Variants in TYW1 observed in about 807,000 individuals in gnomAD.
TYW1 encodes S-adenosyl-L-methionine-dependent tRNA 4-demethylwyosine synthase TYW1.
Under a neutral mutation model 96.2 loss-of-function variants are expected in TYW1, and 46 were observed. The ratio of observed to expected loss-of-function variants is 0.48; its 90% CI spans 0.38 to 0.61. TYW1 has a LOEUF of 0.61. TYW1 is among the 20% of genes least tolerant of loss of function. The pLI is 0.00. For missense variants in TYW1, 684 were observed against 909.6 expected (o/e 0.75, Z 3.19); for synonymous variants, 274 against 323.0 (o/e 0.85, Z 1.63).
At chr7:67,154,900 G>A (rs570186467) in intron 13 of TYW1, among the ~76,000 whole-genome samples, 9 of 151,920 alleles carry the variant, frequency 5.9e-5, no homozygotes, top group Admixed American at 5.9e-4. Flanking sequence ...AAAAAAATCC[G>A]AGTTGTTTCA....
chr7:67,204,693 A>C (rs1441978744), intron 15 of TYW1, among the ~76,000 whole-genome samples: 3 of 151,754 alleles, frequency 2.0e-5, no homozygotes, highest in Admixed American at 2.0e-4. Context: ...CTCCGAGTTC[A>C]AGTGATTCTC....
At chr7:67,144,945 G>A (rs1476049197) in intron 13 of TYW1, among the ~76,000 whole-genome samples, 1 of 151,388 alleles carries the variant, frequency 6.6e-6, no homozygotes, top group Non-Finnish European at 1.5e-5. Flanking sequence ...ACAATCAGTC[G>A]ATGGTGAGAG....
intron 6 of TYW1, among the ~76,000 whole-genome samples, chr7:67,022,458 C>T (rs6944726): frequency 0.092 from 13,931 of 152,070 alleles, 827 homozygotes; most frequent in East Asian, 0.3. Flanking sequence ...GTCTAATATT[C>T]TGAAATTTAT....
chr7:67,012,501 T>C (rs1052509267), intron 4 of TYW1, among the ~76,000 whole-genome samples: 3 of 152,220 alleles, frequency 2.0e-5, no homozygotes, highest in Non-Finnish European at 2.9e-5. Context: ...AGCTTGAATG[T>C]GCTCTAAATT....
intron 10 of TYW1, among the ~76,000 whole-genome samples, chr7:67,067,950 G>C (rs1795917147): frequency 6.6e-6 from 1 of 151,994 alleles, no homozygotes; most frequent in South Asian, 2.1e-4. Context: ...AAAGAAAATG[G>C]CTAAATTGCA....
At chr7:67,044,297 C>G (rs1795120205) in intron 7 of TYW1, among the ~76,000 whole-genome samples, 2 of 151,996 alleles carry the variant, frequency 1.3e-5, no homozygotes, top group African/African-American at 4.8e-5. Flanking sequence ...TGGGTTTCAT[C>G]ATGTTGGCCA....
intron 13 of TYW1, among the ~76,000 whole-genome samples, chr7:67,173,054 A>T (rs1016135942): frequency 1.3e-5 from 2 of 152,256 alleles, no homozygotes; most frequent in African/African-American, 4.8e-5. Flanking sequence ...AAACAAAAAA[A>T]TTAAAAACAA....
intron 13 of TYW1, among the ~76,000 whole-genome samples, chr7:67,154,952 A>G (rs558018979): frequency 2.3e-3 from 345 of 152,262 alleles, no homozygotes; most frequent in Non-Finnish European, 4.4e-3. Flanking sequence ...CTTCCACTCT[A>G]ATCTCTTGTT....
At chr7:67,021,916 A>G (rs1268349034) in intron 6 of TYW1, among the ~76,000 whole-genome samples, 4 of 152,160 alleles carry the variant, frequency 2.6e-5, no homozygotes, top group South Asian at 2.1e-4. Flanking sequence ...GATCCAGCCT[A>G]TTGCCTGTTT....
chr7:67,029,884 A>G (rs1423826807), intron 7 of TYW1, among the ~76,000 whole-genome samples: 1 of 152,032 alleles, frequency 6.6e-6, no homozygotes, highest in African/African-American at 2.4e-5. Context: ...ATTTCTTTCT[A>G]GAGACAAGGT....
At chr7:67,215,896 T>A (rs934797964) in intron 15 of TYW1, among the ~76,000 whole-genome samples, 45 of 152,202 alleles carry the variant, frequency 3.0e-4, no homozygotes, top group Admixed American at 2.6e-4. Context: ...CTGATTAAAT[T>A]GTGCCCACCA....
At chr7:67,220,430 C>T (rs1482519093) in intron 15 of TYW1, among the ~76,000 whole-genome samples, 1 of 152,072 alleles carries the variant, frequency 6.6e-6, no homozygotes, top group African/African-American at 2.4e-5. Context: ...GTCTCGATCT[C>T]CTGACCTCGT....
chr7:67,026,066 C>T (rs1411495995), intron 7 of TYW1, among the ~76,000 whole-genome samples: 1 of 151,944 alleles, frequency 6.6e-6, no homozygotes, highest in South Asian at 2.1e-4. Context: ...AATTACCTAT[C>T]GATTAATTTA....
chr7:67,102,045 T>C (rs1326211921), intron 12 of TYW1, among the ~76,000 whole-genome samples: 7 of 152,142 alleles, frequency 4.6e-5, no homozygotes, highest in African/African-American at 1.7e-4. Flanking sequence ...TGGGGGACAT[T>C]GGGATAGAAT....
At chr7:67,151,136 C>T (rs1296002791) in intron 13 of TYW1, among the ~76,000 whole-genome samples, 15 of 151,902 alleles carry the variant, frequency 9.9e-5, no homozygotes, top group Admixed American at 2.6e-4. Context: ...CTGCAACCTC[C>T]GCCTCCCGGG....
rs747861937 is a variant in TYW1 at position 67,238,347 on chromosome 7, A to G, written c.2017A>G (p.Asn673Asp). 1 of 1,613,384 alleles carries G rather than the reference A, an allele frequency of 6.2e-7. No homozygotes were observed. Among genetic ancestry groups the G allele is most frequent in the Non-Finnish European group, 8.5e-7 (1 of 1,179,606 alleles). ...GGEWWTWIDYNRFQELIQEYE... is the reference protein window; with the variant it reads ...GGEWWTWIDYDRFQELIQEYE... The stretch of plus-strand genomic sequence containing the variant: ...TGAATGGTGGACATGGATCGATTAT[A>G]ACCGCTTCCAGGAGCTCATCCAGGA... Residue 673 changes from asparagine (N) to aspartate (D), a missense_variant, in exon 16 of 16, where the codon AAC becomes GAC. By Grantham distance (23) the Asn-to-Asp change is conservative. Transcript: ENST00000359626.
At chr7:67,228,198 T>C (rs1801626103) in intron 15 of TYW1, among the ~76,000 whole-genome samples, 1 of 152,146 alleles carries the variant, frequency 6.6e-6, no homozygotes, top group South Asian at 2.1e-4. Flanking sequence ...ATACCTGAGA[T>C]TGGGTAATTT....
chr7:67,092,674 CTTTTTT>C (rs3980762), intron 11 of TYW1, among the ~76,000 whole-genome samples: 12 of 92,452 alleles, frequency 1.3e-4, no homozygotes, highest in South Asian at 3.5e-4. Context: ...CTATCACCTT[CTTTTTT>C]TTTTTTTTTT....
In TYW1 at chr7:67,051,890, A is replaced by T. The variant is rs369580570; in HGVS notation, c.1102+1824A>T. On this transcript the variant is annotated intron_variant, in intron 8 of 15. Transcript: ENST00000359626. ...TTCATTTTCTATCACTGTGTCTTCAAGTTCAGTAATTTTTTGCTGGATATA... is the reference window on the plus strand; with the variant it reads ...TTCATTTTCTATCACTGTGTCTTCATGTTCAGTAATTTTTTGCTGGATATA... Among the ~76,000 whole-genome samples the T allele has an allele frequency of 4.6e-5, 7 of 152,150 alleles. No homozygotes were observed. The East Asian group carries it at 9.7e-4, about 21-fold the overall frequency.
Sources: gnomAD v4.1 joint callset for allele counts (sites outside exome capture counted in the v4.1 genomes callset) on GRCh38, gnomAD v4.1.1 for gene constraint, MANE v1.5 for transcripts, NCBI Gene and HGNC (gene_info 2026-07-23, HGNC 2026-07-21) for gene names.